NIPSNAP1: variants seen among roughly 807,000 people sequenced by gnomAD.
The protein encoded by NIPSNAP1 is nipsnap homolog 1.
Under a neutral mutation model 49.2 loss-of-function variants are expected in NIPSNAP1, and 25 were observed. The ratio of observed to expected loss-of-function variants is 0.51; its 90% CI spans 0.37 to 0.71. The LOEUF (loss-of-function observed/expected upper bound fraction) is 0.71, where lower values mean the gene tolerates loss of function less well. Among genes scored for constraint, NIPSNAP1 ranks in the 30% least tolerant of loss-of-function variants. NIPSNAP1 has a pLI of 0.00. For synonymous variants in NIPSNAP1, 143 were observed against 140.7 expected (o/e 1.02, Z -0.12); for missense variants, 294 against 361.0 (o/e 0.81, Z 1.50).
chr22:29,555,788 C>T lies in NIPSNAP1; in HGVS notation c.*147G>A. The stretch of plus-strand genomic sequence containing the variant: ...AGCTGTAATCCTCAGAACTTGTCAG[C>T]CTTCAGTTCCCCCTTGTCTGAACTG... On this transcript the variant is annotated 3_prime_UTR_variant, in exon 10 of 10. Transcript: ENST00000216121. 1.3e-6 allele frequency: 1 copy of T among 745,726 alleles called. No homozygotes were observed. The allele number at this position is 745,726 out of a possible 1,614,324, so 46.2% of individuals were successfully genotyped here. A position where few individuals can be genotyped will look rare whatever the true frequency, so the allele number is the denominator to read the frequency against.
intron 1 of NIPSNAP1, among the ~76,000 whole-genome samples, chr22:29,576,256 G>A (rs556031662): frequency 6.6e-6 from 1 of 151,122 alleles, no homozygotes; most frequent in South Asian, 2.1e-4. Context: ...CTGACCTCAA[G>A]TGATCTGCCT....
chr22:29,580,341 A>G (rs2064488455), intron 1 of NIPSNAP1: 1 of 903,468 alleles, frequency 1.1e-6, no homozygotes, highest in East Asian at 1.2e-4. Context: ...GCAGGGCCCA[A>G]ACAAAAGCCC....
intron 9 of NIPSNAP1, among the ~76,000 whole-genome samples, chr22:29,558,192 A>G (rs1159999495): frequency 6.6e-6 from 1 of 152,172 alleles, no homozygotes; most frequent in Non-Finnish European, 1.5e-5. Context: ...TTTGTGGGCC[A>G]GATGTGGTGG....
chr22:29,558,438 C>T (rs2064310921), intron 9 of NIPSNAP1, among the ~76,000 whole-genome samples: 3 of 152,064 alleles, frequency 2.0e-5, no homozygotes, highest in African/African-American at 7.2e-5. Context: ...CACTGCACTC[C>T]ACCCTGGGTG....
chr22:29,561,372 T>A (rs181346731), intron 6 of NIPSNAP1, 134 bp downstream of exon 6: 4 of 1,433,966 alleles, frequency 2.8e-6, no homozygotes, highest in Admixed American at 1.7e-5. Flanking sequence ...TTTGCACACA[T>A]GTGTATACAA....
chr22:29,570,367 T>C, intron 2 of NIPSNAP1, 38 bp downstream of exon 2: 1 of 1,613,784 alleles, frequency 6.2e-7, no homozygotes, highest in Non-Finnish European at 8.5e-7. Flanking sequence ...CCAGAGCCCC[T>C]GAAAGGGCAG....
At chr22:29,564,381 A>C (rs1471032930) in intron 4 of NIPSNAP1, 2 of 470,820 alleles carry the variant, frequency 4.2e-6, no homozygotes. Context: ...CCTGTGGAAA[A>C]CGGATTAACG....
chr22:29,576,520 A>G (rs985930542), intron 1 of NIPSNAP1, among the ~76,000 whole-genome samples: 1 of 151,528 alleles, frequency 6.6e-6, no homozygotes, highest in African/African-American at 2.5e-5. Context: ...TGCTTGGAGC[A>G]GTGCTGGGCA....
chr22:29,580,874 C>A (rs372109846), intron 1 of NIPSNAP1, 111 bp downstream of exon 1: 1 of 869,056 alleles, frequency 1.2e-6, no homozygotes. Context: ...CCGCCTCTAA[C>A]CCCCAGATTC....
At position 29,577,512 on chromosome 22, in the gene NIPSNAP1, T is replaced by G. The variant is rs695776; in HGVS notation, c.98+3473A>C. The stretch of plus-strand genomic sequence containing the variant: ...TCAGCTCACTGCAACCTCCGCCCCC[T>G]GGGTTCAAGTGATTCTCCTGTCTCA... On this transcript the variant is annotated intron_variant, in intron 1 of 9. Transcript: ENST00000216121. 2.7e-5 allele frequency among the ~76,000 whole-genome samples: 4 copies of G among 150,630 alleles called. No individual in the cohort carries two copies. In the East Asian group the frequency reaches 5.8e-4, roughly 22 times the overall value.
intron 1 of NIPSNAP1, among the ~76,000 whole-genome samples, chr22:29,578,613 CAG>C (rs923564033): frequency 2.0e-5 from 3 of 151,252 alleles, no homozygotes; most frequent in Non-Finnish European, 4.4e-5. Context: ...GGCAGCAGGA[CAG>C]AGTGTTCTCA....
chr22:29,567,130 A>AAAAT (rs1225350509), intron 4 of NIPSNAP1, among the ~76,000 whole-genome samples: 2 of 152,144 alleles, frequency 1.3e-5, no homozygotes, highest in Non-Finnish European at 2.9e-5. Flanking sequence ...CCATCTCAAA[A>AAAAT]AAATAAATAA....
At chr22:29,571,457 G>A (rs2146612544) in intron 1 of NIPSNAP1, among the ~76,000 whole-genome samples, 1 of 152,342 alleles carries the variant, frequency 6.6e-6, no homozygotes, top group Admixed American at 6.5e-5. Flanking sequence ...TTGCCCATGA[G>A]CACTGTGGTT....
intron 1 of NIPSNAP1, among the ~76,000 whole-genome samples, chr22:29,573,461 C>G (rs1481604740): frequency 6.6e-6 from 1 of 151,952 alleles, no homozygotes. Context: ...AGTCTGAAGC[C>G]CTGTCTCTGC....
At chr22:29,577,588 T>C (rs1042285483) in intron 1 of NIPSNAP1, among the ~76,000 whole-genome samples, 1 of 150,704 alleles carries the variant, frequency 6.6e-6, no homozygotes, top group Non-Finnish European at 1.5e-5. Context: ...CCCAACTAAT[T>C]TTTGTATTTT....
intron 9 of NIPSNAP1, 76 bp from the exon 10 acceptor site, chr22:29,556,075 GC>G: frequency 7.6e-7 from 1 of 1,319,578 alleles, no homozygotes; most frequent in Non-Finnish European, 1.1e-6. Flanking sequence ...ACCCACACAT[GC>G]TGGCCTTTGA....
intron 9 of NIPSNAP1, 151 bp downstream of exon 9, chr22:29,558,719 T>C (rs1288490316): frequency 2.8e-6 from 2 of 704,424 alleles, no homozygotes; most frequent in Admixed American, 4.0e-5. Context: ...TCCTATGGAG[T>C]GTGCCACTTG....
chr22:29,580,279 T>C, intron 1 of NIPSNAP1: 2 of 1,259,076 alleles, frequency 1.6e-6, no homozygotes, highest in Admixed American at 2.4e-5. Context: ...GACCAAGGAG[T>C]GAGGGGCTGC....
intron 3 of NIPSNAP1, 177 bp downstream of exon 3, chr22:29,569,985 A>C (rs1001363135): frequency 2.4e-5 from 16 of 654,386 alleles, no homozygotes; most frequent in Non-Finnish European, 3.8e-5. Flanking sequence ...GCAAAACTCC[A>C]TCTCAAAAAA....
Sources: gnomAD v4.1 joint callset for allele counts (sites outside exome capture counted in the v4.1 genomes callset) on GRCh38, gnomAD v4.1.1 for gene constraint, MANE v1.5 for transcripts, NCBI Gene and HGNC (gene_info 2026-07-23, HGNC 2026-07-21) for gene names.